Variants in CYFIP1 observed in about 807,000 individuals in gnomAD.
The protein encoded by CYFIP1 is cytoplasmic FMR1-interacting protein 1.
CYFIP1 carries 58 observed loss-of-function variants against 163.5 expected under a neutral mutation model. The ratio of observed to expected loss-of-function variants is 0.35; its 90% CI spans 0.29 to 0.44. The LOEUF is 0.44. Among genes scored for constraint, CYFIP1 ranks in the 20% least tolerant of loss-of-function variants. The pLI is 1.00. For synonymous variants in CYFIP1, 663 were observed against 660.7 expected, an observed-to-expected ratio of 1.00 and a Z score of -0.05; for missense variants, 1,338 against 1,653.8, an observed-to-expected ratio of 0.81 and a Z score of 3.31.
rs376582890 is a variant in CYFIP1, at chr15:22,943,398, G to A, written c.388-44C>T. On this transcript the variant is annotated intron_variant, in intron 5 of 30. Transcript: ENST00000617928. Reference sequence around the variant, plus strand: ...AGGGCAGAAAGCTGCAGGTCAGTGAGGAGCCAAGCCCATGTCCCTCCTTCA... The same window carrying A: ...AGGGCAGAAAGCTGCAGGTCAGTGAAGAGCCAAGCCCATGTCCCTCCTTCA... 1.7e-5 allele frequency: 27 copies of A among 1,592,732 alleles called. No homozygotes were observed. In the African/African-American group the frequency reaches 3.4e-4, roughly 20 times the overall value.
chr15:22,881,309 C>G (rs1035695611), intron 25 of CYFIP1, among the ~76,000 whole-genome samples: 1 of 152,192 alleles, frequency 6.6e-6, no homozygotes, highest in Non-Finnish European at 1.5e-5. Flanking sequence ...AGTTTTGTTA[C>G]GTGACAAAGG....
chr15:22,944,599 C>G lies in CYFIP1; in HGVS notation c.346G>C (p.Glu116Gln). ...EIYEKTVEVL[E>Q]PEVTKLMNFM... is the part of the protein sequence containing the mutation. ...TTCATCAGTTTTGTGACCTCAGGCT[C>G]CAGAACCTCCACGGTTTTCTCGTAG... Residue 116 changes from glutamate (E) to glutamine (Q), a missense_variant, in exon 5 of 31, where the codon GAG becomes CAG. This residue lies in a region of CYFIP1 where 186 missense variants were observed against 288.3 expected (regional missense o/e 0.65). Coordinates refer to ENST00000617928, the MANE Select transcript of CYFIP1 (RefSeq NM_014608.6). 6.2e-7 allele frequency: 1 copy of G among 1,613,794 alleles called. No individual in the cohort carries two copies. Among genetic ancestry groups the G allele is most frequent in the South Asian group, 1.1e-5 (1 of 91,012 alleles).
At chr15:22,890,887 G>A (rs117867855) in intron 23 of CYFIP1, among the ~76,000 whole-genome samples, 1 of 152,242 alleles carries the variant, frequency 6.6e-6, no homozygotes, top group Non-Finnish European at 1.5e-5. Flanking sequence ...AGTGTGGAAT[G>A]ATGGAATGAG....
At chr15:22,974,775 G>C (rs1397839891) in intron 1 of CYFIP1, among the ~76,000 whole-genome samples, 1 of 152,150 alleles carries the variant, frequency 6.6e-6, no homozygotes, top group African/African-American at 2.4e-5. Flanking sequence ...TTGTTGCACA[G>C]CTCCAGAAAT....
At chr15:22,894,273 C>CTTTTT (rs2060162526) in intron 22 of CYFIP1, among the ~76,000 whole-genome samples, 2 of 127,326 alleles carry the variant, frequency 1.6e-5, no homozygotes, top group South Asian at 2.5e-4. Context: ...TTACAGCAGA[C>CTTTTT]TTTTCTTTTT....
chr15:22,903,414 C>T lies in CYFIP1; in HGVS notation c.2588+292G>A, dbSNP rs756480635. ...TTCCCCACACTCCAACATGCCAGCA[C>T]GGAAGCATAAGAAGCAGACTCACCC... On this transcript the variant is annotated intron_variant, in intron 22 of 30. Coordinates refer to ENST00000617928, the MANE Select transcript of CYFIP1 (RefSeq NM_014608.6). 9.4e-4 allele frequency among the ~76,000 whole-genome samples: 143 copies of T among 152,300 alleles called. 3 individuals are homozygous for T. Among genetic ancestry groups the T allele is most frequent in the Admixed American group, 5.2e-4 (8 of 15,298 alleles).
At position 22,963,546 on chromosome 15, in the gene CYFIP1, T is replaced by TAACATAAC. The variant is rs1555423947; in HGVS notation, c.-6-16263_-6-16256dup. Among the ~76,000 whole-genome samples the TAACATAAC allele has an allele frequency of 2.0e-3, 270 of 134,736 alleles. 2 individuals carry two copies. The East Asian group carries it at 0.034, about 17-fold the overall frequency. 88.4% of individuals were successfully genotyped at this position (134,736 alleles called of 152,430 possible). A position where few individuals can be genotyped will look rare whatever the true frequency, so the allele number is the denominator to read the frequency against. ...TAACATAACATAACATAACATAACATAACATAACATAAGAAAGAATGAAAT... is the reference window on the plus strand; with the variant it reads ...TAACATAACATAACATAACATAACATAACATAACAACATAACATAAGAAAGAATGAAAT... On this transcript the variant is annotated intron_variant, in intron 1 of 30. Coordinates refer to ENST00000617928, the MANE Select transcript of CYFIP1 (RefSeq NM_014608.6).
chr15:22,918,549 A>G, intron 14 of CYFIP1, 143 bp downstream of exon 14: 1 of 725,060 alleles, frequency 1.4e-6, no homozygotes, highest in Non-Finnish European at 2.1e-6. Flanking sequence ...TTACTTTTAG[A>G]GGTAATTCAC....
chr15:22,875,891 T>TATATATATATAC (rs1555395909), intron 26 of CYFIP1, among the ~76,000 whole-genome samples: 1 of 147,250 alleles, frequency 6.8e-6, no homozygotes, highest in Non-Finnish European at 1.5e-5. Flanking sequence ...ATAACATATA[T>TATATATATATAC]ATATATAAAG....
rs552271824 is a variant in CYFIP1 at position 22,931,296 on chromosome 15, G to A, written c.1110+927C>T. 8.5e-5 allele frequency among the ~76,000 whole-genome samples: 13 copies of A among 152,284 alleles called. 1 individual carries two copies. In the South Asian group the frequency reaches 2.5e-3, roughly 29 times the overall value. On this transcript the variant is annotated intron_variant, in intron 11 of 30. Transcript: ENST00000617928. ...ACAGACATGCCAGCAGTGCTGGCTCGGAGTCAACCTGGGTGAGTGAGGAGA... is the reference window on the plus strand; with the variant it reads ...ACAGACATGCCAGCAGTGCTGGCTCAGAGTCAACCTGGGTGAGTGAGGAGA...
At chr15:22,872,255 A>C (rs146006355) in intron 30 of CYFIP1, among the ~76,000 whole-genome samples, 16 of 150,178 alleles carry the variant, frequency 1.1e-4, no homozygotes, top group Middle Eastern at 3.4e-3. Flanking sequence ...AGATCGTGGC[A>C]TTGCACCCCA....
intron 22 of CYFIP1, 49 bp from the exon 23 acceptor site, chr15:22,893,026 G>A (rs1259813892): frequency 1.4e-6 from 2 of 1,413,144 alleles, no homozygotes; most frequent in Non-Finnish European, 2.0e-6. Context: ...TTTAACAATA[G>A]TTCTTTAAAA....
chr15:22,883,562 A>C (rs1595509808), intron 23 of CYFIP1, among the ~76,000 whole-genome samples: 1 of 152,190 alleles, frequency 6.6e-6, no homozygotes, highest in South Asian at 2.1e-4. Flanking sequence ...TCACACCTGT[A>C]ATCCCAGCCC....
At chr15:22,870,289 T>G in intron 30 of CYFIP1, 97 bp from the exon 31 acceptor site, 1 of 1,430,720 alleles carries the variant, frequency 7.0e-7, no homozygotes, top group Middle Eastern at 1.8e-4. Context: ...CTCAGAAAAA[T>G]AATAGCAAAC....
At chr15:22,945,226 C>T (rs888736234) in intron 3 of CYFIP1, among the ~76,000 whole-genome samples, 19 of 152,184 alleles carry the variant, frequency 1.2e-4, no homozygotes, top group African/African-American at 4.3e-4. Context: ...CAGCCCTCAA[C>T]AACCTGCTGG....
intron 14 of CYFIP1, 97 bp downstream of exon 14, chr15:22,918,595 G>A: frequency 1.7e-6 from 2 of 1,149,062 alleles, no homozygotes; most frequent in Non-Finnish European, 2.4e-6. Flanking sequence ...TAAATATATT[G>A]AAATCATTTT....
intron 25 of CYFIP1, among the ~76,000 whole-genome samples, chr15:22,881,039 C>A (rs754976005): frequency 6.6e-6 from 1 of 152,150 alleles, no homozygotes; most frequent in Non-Finnish European, 1.5e-5. Flanking sequence ...GAGCCAGGGC[C>A]GTGCTGATGG....
chr15:22,868,640 C>T lies in CYFIP1; in HGVS notation c.*1388G>A, dbSNP rs1355435500. On this transcript the variant is annotated 3_prime_UTR_variant, in exon 31 of 31. Transcript: ENST00000617928. Reference sequence around the variant, plus strand: ...TAATTGTTTGTTAGGCTTCATGTCACTTGAGTGAGTTTGGCAGTGTAACAG... The same window carrying T: ...TAATTGTTTGTTAGGCTTCATGTCATTTGAGTGAGTTTGGCAGTGTAACAG... 1 of 151,568 alleles carries T rather than the reference C, an allele frequency of 6.6e-6. No individual in the cohort carries two copies. Among genetic ancestry groups the T allele is most frequent in the Non-Finnish European group, 1.5e-5 (1 of 68,014 alleles). The allele number at this position is 151,568 out of a possible 1,614,324, so 9.4% of individuals were successfully genotyped here. A position where few individuals can be genotyped will look rare whatever the true frequency, so the allele number is the denominator to read the frequency against.
intron 23 of CYFIP1, among the ~76,000 whole-genome samples, chr15:22,891,464 T>A (rs573042417): frequency 5.3e-4 from 80 of 152,330 alleles, no homozygotes; most frequent in African/African-American, 1.9e-3. Context: ...TTCAAGGACA[T>A]AATGTTTACA....
Sources: gnomAD v4.1 joint callset for allele counts (sites outside exome capture counted in the v4.1 genomes callset) on GRCh38, gnomAD v4.1.1 for gene constraint, gnomAD v4.1.1 regional missense constraint, MANE v1.5 for transcripts, NCBI Gene and HGNC (gene_info 2026-07-23, HGNC 2026-07-21) for gene names.